The following ESCO2 variants were observed in gnomAD, a reference collection of about 807,000 sequenced individuals.
ESCO2 encodes the protein establishment of sister chromatid cohesion N-acetyltransferase 2.
In ESCO2, 51 loss-of-function variants were observed where a neutral mutation model predicts 61.7. That is an observed-to-expected ratio of 0.83 (90% confidence interval 0.66 to 1.04). ESCO2 has a LOEUF of 1.04. Ranked by LOEUF, ESCO2 falls within the 50% of genes least tolerant of loss-of-function variation. The probability of loss-of-function intolerance (pLI) is 0.00; values close to 1 mark genes in which losing one functional copy is unlikely to be tolerated. For missense variants in ESCO2, 692 were observed against 686.2 expected (o/e 1.01, Z -0.09); for synonymous variants, 230 against 238.2 (o/e 0.97, Z 0.32).
downstream of ESCO2, among the ~76,000 whole-genome samples, chr8:27,816,343 C>CTTATATATATATATATATATATA (rs1554559818): frequency 4.4e-5 from 6 of 136,364 alleles, no homozygotes; most frequent in African/African-American, 1.8e-4. Flanking sequence ...TCATCGAATA[C>CTTATATATATATATATATATATA]TATATATATA....
At chr8:27,798,347 C>T (rs1286351187) in intron 9 of ESCO2, among the ~76,000 whole-genome samples, 2 of 152,006 alleles carry the variant, frequency 1.3e-5, no homozygotes, top group African/African-American at 2.4e-5. Context: ...GTAATCCCAG[C>T]TACTTGGGAG....
In ESCO2 at chr8:27,803,736, CTT is replaced by C; in HGVS notation, c.*300_*301del. 5 of 1,154,704 alleles carry C rather than the reference CTT, an allele frequency of 4.3e-6. No homozygotes were observed. Among genetic ancestry groups the C allele is most frequent in the Non-Finnish European group, 5.3e-6 (5 of 936,506 alleles). 71.5% of individuals were successfully genotyped at this position (1,154,704 alleles called of 1,614,324 possible). A position where few individuals can be genotyped will look rare whatever the true frequency, so the allele number is the denominator to read the frequency against. On this transcript the variant is annotated 3_prime_UTR_variant, in exon 11 of 11. Transcript: ENST00000305188. ...GCTATAACTGGAAAATTACCTGACT[CTT>C]TGTAAGAGTATTAAATACAAAGTGA... is the stretch of plus-strand genomic sequence containing the variant.
rs80359859 is a variant in ESCO2 at position 27,787,975 on chromosome 8, TAAA to T, written c.1109_1111del (p.Lys370del). On this transcript the variant is annotated inframe_deletion, in exon 6 of 11. Coordinates refer to ENST00000305188, the MANE Select transcript of ESCO2 (RefSeq NM_001017420.3). ...AAAATACTAATACCAGAGATACAAGTAAAAAAACAAAAGACCAGCTCATCATCG... is the reference window on the plus strand; with the variant it reads ...AAAATACTAATACCAGAGATACAAGTAAAACAAAAGACCAGCTCATCATCG... 7.9e-5 allele frequency: 128 copies of T among 1,612,902 alleles called. No homozygotes were observed. The highest frequency in any genetic ancestry group is 1.0e-4 in the Non-Finnish European group (123 of 1,179,268).
At chr8:27,794,075 C>T (rs981693664) in intron 9 of ESCO2, among the ~76,000 whole-genome samples, 3 of 152,132 alleles carry the variant, frequency 2.0e-5, no homozygotes, top group Non-Finnish European at 4.4e-5. Flanking sequence ...TCAGGATTTC[C>T]TTTTTAAAGG....
intron 7 of ESCO2, 64 bp from the exon 8 acceptor site, chr8:27,791,899 T>C (rs547657164): frequency 6.4e-5 from 89 of 1,382,100 alleles, no homozygotes; most frequent in Non-Finnish European, 1.0e-6. Context: ...CATCAAATTA[T>C]TTAATGTTGG....
chr8:27,774,529 G>C (rs927066302), upstream of ESCO2: 9 of 152,274 alleles, frequency 5.9e-5, no homozygotes, highest in Non-Finnish European at 1.3e-4. Context: ...CTTCCTCCTA[G>C]CCTGGCGCGC....
chr8:27,807,742 A>G (rs569024498), downstream of ESCO2, among the ~76,000 whole-genome samples: 29 of 152,296 alleles, frequency 1.9e-4, no homozygotes, highest in South Asian at 5.2e-3. Context: ...GGGAGGTACT[A>G]TGGTCTGAAT....
upstream of ESCO2, among the ~76,000 whole-genome samples, chr8:27,772,313 A>C (rs574431670): frequency 6.6e-6 from 1 of 152,200 alleles, no homozygotes; most frequent in South Asian, 2.1e-4. Flanking sequence ...CGCGCCCCCC[A>C]CGCCATGACG....
At chr8:27,815,331 A>G (rs1490594666), downstream of ESCO2, among the ~76,000 whole-genome samples, 1 of 152,240 alleles carries the variant, frequency 6.6e-6, no homozygotes, top group African/African-American at 2.4e-5. Flanking sequence ...TGAGAACAAA[A>G]ATACCAGACT....
downstream of ESCO2, among the ~76,000 whole-genome samples, chr8:27,806,535 G>C (rs548188278): frequency 1.9e-3 from 285 of 151,732 alleles, 4 homozygotes; most frequent in African/African-American, 6.5e-3. Context: ...AAAAAAGCCT[G>C]TTGGGATTTT....
chr8:27,811,146 A>C (rs1207857504), downstream of ESCO2: 1 of 1,613,470 alleles, frequency 6.2e-7, no homozygotes. Context: ...TGAAACAAGC[A>C]AGATGGTTAT....
intron 9 of ESCO2, among the ~76,000 whole-genome samples, chr8:27,797,926 C>T (rs1385812688): frequency 6.6e-6 from 1 of 152,086 alleles, no homozygotes; most frequent in East Asian, 1.9e-4. Flanking sequence ...ACTGTTATGT[C>T]CTGATAATAG....
At chr8:27,805,628 G>GTTTCTTTC (rs563365927), downstream of ESCO2, among the ~76,000 whole-genome samples, 1 of 151,998 alleles carries the variant, frequency 6.6e-6, no homozygotes, top group African/African-American at 2.4e-5. Flanking sequence ...ATCTTGGTTG[G>GTTTCTTTC]TTTCTTTCTT....
At chr8:27,787,331 T>A (rs1208798391) in intron 5 of ESCO2, among the ~76,000 whole-genome samples, 1 of 151,884 alleles carries the variant, frequency 6.6e-6, no homozygotes, top group African/African-American at 2.4e-5. Context: ...TGTTTTTGTT[T>A]TTTTTTTTTC....
chr8:27,817,775 A>G, the ESCO2 span, among the ~76,000 whole-genome samples: 2 of 152,146 alleles, frequency 1.3e-5, no homozygotes, highest in Admixed American at 6.5e-5. Context: ...GTCACCTGAA[A>G]GGTTCTACCA....
chr8:27,779,824 G>A (rs1480005608), intron 3 of ESCO2: 1 of 224,724 alleles, frequency 4.4e-6, no homozygotes, highest in Non-Finnish European at 9.0e-6. Flanking sequence ...GTGCCACCAC[G>A]CCCAGCTAAT....
the ESCO2 span, among the ~76,000 whole-genome samples, chr8:27,818,921 T>G: frequency 2.0e-5 from 3 of 152,140 alleles, no homozygotes; most frequent in African/African-American, 7.2e-5. Flanking sequence ...AAAACAGCTG[T>G]GTTTTTTTCT....
At chr8:27,772,261 C>G (rs919133690), upstream of ESCO2, among the ~76,000 whole-genome samples, 7 of 152,208 alleles carry the variant, frequency 4.6e-5, no homozygotes, top group African/African-American at 1.7e-4. Context: ...GATTAGGGGA[C>G]GAGAACTCCC....
intron 7 of ESCO2, among the ~76,000 whole-genome samples, chr8:27,791,369 T>G (rs1216049094): frequency 6.6e-6 from 1 of 152,194 alleles, no homozygotes; most frequent in Non-Finnish European, 1.5e-5. Flanking sequence ...TGCCTTAGCC[T>G]GAAGGCAAGT....
Sources: gnomAD v4.1 joint callset for allele counts (sites outside exome capture counted in the v4.1 genomes callset) on GRCh38, gnomAD v4.1.1 for gene constraint, MANE v1.5 for transcripts, NCBI Gene and HGNC (gene_info 2026-07-23, HGNC 2026-07-21) for gene names.